PI4KB: variants seen among roughly 807,000 people sequenced by gnomAD.
The protein encoded by PI4KB is phosphatidylinositol 4-kinase beta.
In PI4KB, 23 loss-of-function variants were observed where a neutral mutation model predicts 81.4. The observed-to-expected ratio is 0.28, with a 90% confidence interval of 0.20 to 0.40. The LOEUF is 0.40. Among genes scored for constraint, PI4KB ranks in the 10% least tolerant of loss-of-function variants. PI4KB has a pLI of 1.00. For synonymous variants in PI4KB, 381 were observed against 406.8 expected, an observed-to-expected ratio of 0.94 and a Z score of 0.76; for missense variants, 651 against 1,036.6, an observed-to-expected ratio of 0.63 and a Z score of 5.11.
At position 151,304,986 on chromosome 1, in the gene PI4KB, C is replaced by T. The variant is rs185691248; in HGVS notation, c.1410+1150G>A. On this transcript the variant is annotated intron_variant, in intron 5 of 11. Transcript: ENST00000368873. ...CTGGGATTACAGGCACATGCCACCA[C>T]GCCCGGCTAATTTTTGTATTTTTAG... Among the ~76,000 whole-genome samples, 468 of 152,170 alleles carry T rather than the reference C, an allele frequency of 3.1e-3. 6 individuals are homozygous for T. The highest frequency in any genetic ancestry group is 0.01 in the African/African-American group (433 of 41,512).
At position 151,326,501 on chromosome 1, in the gene PI4KB, AT is replaced by A. The variant is rs1431605373; in HGVS notation, c.-29+769del. ...CTCGAGGGAGGTGTCAAAGTTGGAA[AT>A]CCTGAATGGGAAGGGCACTGTCAAA... On this transcript the variant is annotated intron_variant, in intron 1 of 11. Transcript: ENST00000368873. 6.5e-5 allele frequency: 24 copies of A among 369,356 alleles called. No individual in the cohort carries two copies. In the Admixed American group the frequency reaches 9.4e-4, roughly 14 times the overall value. 22.9% of individuals were successfully genotyped at this position (369,356 alleles called of 1,614,324 possible). A position where few individuals can be genotyped will look rare whatever the true frequency, so the allele number is the denominator to read the frequency against.
chr1:151,299,151 C>T, intron 8 of PI4KB, 78 bp from the exon 9 acceptor site: 1 of 1,284,616 alleles, frequency 7.8e-7, no homozygotes, highest in Non-Finnish European at 1.1e-6. Context: ...TTCCCTTTCT[C>T]CAGCCTCTCT....
At chr1:151,302,995 G>GTTTTTTTTTTT (rs775167343) in intron 6 of PI4KB, among the ~76,000 whole-genome samples, 1 of 107,136 alleles carries the variant, frequency 9.3e-6, no homozygotes, top group Non-Finnish European at 1.9e-5. Flanking sequence ...GTGCTTTCTT[G>GTTTTTTTTTTT]TTTTTTTTTT....
chr1:151,294,611 A>G (rs587596283), intron 9 of PI4KB, 70 bp from the exon 10 acceptor site: 1 of 1,484,562 alleles, frequency 6.7e-7, no homozygotes. Context: ...CTTAAGCAGC[A>G]ATACACTGGC....
At chr1:151,319,284 ACT>A (rs1648492281) in intron 1 of PI4KB, among the ~76,000 whole-genome samples, 1 of 149,806 alleles carries the variant, frequency 6.7e-6, no homozygotes, top group South Asian at 2.1e-4. Flanking sequence ...GACCAGCGAG[ACT>A]CTGTCTCAAA....
chr1:151,317,073 C>T (rs1222405700), intron 1 of PI4KB, among the ~76,000 whole-genome samples: 1 of 152,136 alleles, frequency 6.6e-6, no homozygotes, highest in Non-Finnish European at 1.5e-5. Flanking sequence ...GATCCACCCA[C>T]CTCGGCCTCC....
intron 11 of PI4KB, 116 bp from the exon 12 acceptor site, chr1:151,293,149 C>T (rs1407151860): frequency 6.6e-7 from 1 of 1,516,268 alleles, no homozygotes; most frequent in African/African-American, 1.4e-5. Context: ...ACCTCAGGTC[C>T]TTGATGATGT....
At chr1:151,307,545 G>C in intron 4 of PI4KB, 29 bp downstream of exon 4, 1 of 1,484,310 alleles carries the variant, frequency 6.7e-7, no homozygotes, top group Non-Finnish European at 9.4e-7. Flanking sequence ...TCACGTCCAG[G>C]GTAGGGGTTT....
chr1:151,292,927 C>T lies in PI4KB; in HGVS notation c.2376G>A (p.Met792Ile). The T allele has an allele frequency of 6.2e-7, 1 of 1,614,192 alleles. No individual in the cohort carries two copies. Among genetic ancestry groups the T allele is most frequent in the Non-Finnish European group, 8.5e-7 (1 of 1,180,042 alleles). ...TGATAGACCGCATACTGCCATCCAC[C>T]ATCTGCTCCACCAGCAGCTGCAGCT... ...EEQLQLLVEQ[M>I]VDGSMRSITT... Residue 792 changes from methionine to isoleucine, a missense_variant, in exon 12 of 12, where the codon ATG becomes ATA. Around this residue, in one of 5 missense-constraint regions of PI4KB, gnomAD observed 70 missense variants for 108.1 expected, o/e 0.65. Transcript: ENST00000368873.
chr1:151,323,624 C>G (rs1649172816), intron 1 of PI4KB, among the ~76,000 whole-genome samples: 1 of 152,152 alleles, frequency 6.6e-6, no homozygotes, highest in South Asian at 2.1e-4. Context: ...ACTCGGGAGG[C>G]TGAGGCAGGA....
chr1:151,299,187 A>G, intron 8 of PI4KB, 114 bp from the exon 9 acceptor site: 2 of 947,938 alleles, frequency 2.1e-6, no homozygotes, highest in South Asian at 3.2e-5. Context: ...ATTCTAAGCC[A>G]TCAAATGAGT....
intron 5 of PI4KB, among the ~76,000 whole-genome samples, chr1:151,304,981 C>T (rs1398901223): frequency 1.3e-5 from 2 of 152,102 alleles, no homozygotes; most frequent in Non-Finnish European, 2.9e-5. Context: ...AGGCACATGC[C>T]ACCACGCCCG....
chr1:151,293,810 C>A, intron 11 of PI4KB: 1 of 546,968 alleles, frequency 1.8e-6, no homozygotes, highest in Non-Finnish European at 3.2e-6. Flanking sequence ...GTGCTGCTAT[C>A]CCCTTCCCCA....
chr1:151,306,058 C>T lies in PI4KB; in HGVS notation c.1410+78G>A. The T allele has an allele frequency of 2.6e-6, 3 of 1,173,954 alleles. 1 individual carries two copies. The highest frequency in any genetic ancestry group is 4.7e-5 in the East Asian group (2 of 42,230). The allele number at this position is 1,173,954 out of a possible 1,614,324, so 72.7% of individuals were successfully genotyped here. Reference sequence around the variant, plus strand: ...TTGCCTTACCCTGCCTTGGGATATGCTGTCTTGTTTCCAATATAGTGAAAG... The same window carrying T: ...TTGCCTTACCCTGCCTTGGGATATGTTGTCTTGTTTCCAATATAGTGAAAG... On this transcript the variant is annotated intron_variant, in intron 5 of 11. Coordinates refer to ENST00000368873, the MANE Select transcript of PI4KB (RefSeq NM_001369623.2).
In PI4KB at chr1:151,292,939, C is replaced by T; in HGVS notation, c.2364G>A (p.Leu788=). ...MSMTEEQLQL[L]VEQMVDGSMR... ...TACTGCCATCCACCATCTGCTCCAC[C>T]AGCAGCTGCAGCTGCTCCTCAGTCA... The change falls in exon 12 of 12, where the codon CTG becomes CTA. Residue 788 remains leucine (L), a synonymous_variant. Coordinates refer to ENST00000368873, the MANE Select transcript of PI4KB (RefSeq NM_001369623.2). The T allele has an allele frequency of 6.2e-7, 1 of 1,614,014 alleles. No individual in the cohort carries two copies. The highest frequency in any genetic ancestry group is 8.5e-7 in the Non-Finnish European group (1 of 1,179,870).
chr1:151,322,363 C>G (rs1648974613), intron 1 of PI4KB, among the ~76,000 whole-genome samples: 1 of 152,192 alleles, frequency 6.6e-6, no homozygotes, highest in South Asian at 2.1e-4. Flanking sequence ...AGAGGACTCT[C>G]TGGGGAGGAG....
chr1:151,327,216 A>AGGGGGGGGGG, intron 1 of PI4KB, 55 bp downstream of exon 1: 1 of 102,622 alleles, frequency 9.7e-6, no homozygotes, highest in Non-Finnish European at 1.8e-5. Context: ...TGGGAGAGGG[A>AGGGGGGGGGG]CCCCCCCCCC....
chr1:151,299,492 G>A (rs1695074754), intron 8 of PI4KB, among the ~76,000 whole-genome samples: 1 of 152,118 alleles, frequency 6.6e-6, no homozygotes, highest in African/African-American at 2.4e-5. Flanking sequence ...GACCAGCCTG[G>A]CCAACCTCAG....
intron 8 of PI4KB, 26 bp from the exon 9 acceptor site, chr1:151,299,099 G>A (rs375042988): frequency 7.4e-5 from 119 of 1,602,482 alleles, no homozygotes; most frequent in African/African-American, 6.7e-4. Context: ...GAGGATACAG[G>A]ACTCTTATCT....
Sources: gnomAD v4.1 joint callset for allele counts (sites outside exome capture counted in the v4.1 genomes callset) on GRCh38, gnomAD v4.1.1 for gene constraint, gnomAD v4.1.1 regional missense constraint, MANE v1.5 for transcripts, NCBI Gene and HGNC (gene_info 2026-07-23, HGNC 2026-07-21) for gene names.